TAF5L: variants seen among roughly 807,000 people sequenced by gnomAD.
TAF5L encodes TATA-box binding protein associated factor 5 like, also known as TAF5-like RNA polymerase II p300/CBP-associated factor-associated factor 65 kDa subunit 5L.
TAF5L carries 7 observed loss-of-function variants against 51.3 expected under a neutral mutation model. The observed-to-expected ratio is 0.14, with a 90% CI of 0.08 to 0.26. The LOEUF is 0.26. TAF5L is among the 10% of genes least tolerant of loss of function. The pLI, the probability that TAF5L is intolerant of heterozygous loss-of-function variation, is 1.00. For missense variants in TAF5L, 575 were observed against 758.9 expected (o/e 0.76, Z 2.85); for synonymous variants, 291 against 308.1 (o/e 0.94, Z 0.58).
chr1:229,611,867 C>T (rs1416112201), intron 2 of TAF5L, among the ~76,000 whole-genome samples: 2 of 152,024 alleles, frequency 1.3e-5, no homozygotes, highest in South Asian at 2.1e-4. Context: ...CAACTCAGCT[C>T]ACTCTTTCAA....
chr1:229,601,576 G>C, intron 4 of TAF5L: 6 of 985,940 alleles, frequency 6.1e-6, no homozygotes, highest in Non-Finnish European at 7.2e-6. Flanking sequence ...AACACTGACT[G>C]ACGGGGGGAG....
chr1:229,612,518 G>A (rs887131981), intron 2 of TAF5L, among the ~76,000 whole-genome samples: 1 of 152,180 alleles, frequency 6.6e-6, no homozygotes, highest in African/African-American at 2.4e-5. Context: ...TCTATACCAA[G>A]GCCATCATCT....
At chr1:229,622,635 A>C (rs1665255800) in intron 1 of TAF5L, among the ~76,000 whole-genome samples, 1 of 152,224 alleles carries the variant, frequency 6.6e-6, no homozygotes, top group Non-Finnish European at 1.5e-5. Context: ...TTTTGAAATA[A>C]GGTCTTGCTC....
chr1:229,600,757 G>C (rs1664344277), intron 4 of TAF5L: 1 of 985,268 alleles, frequency 1.0e-6, no homozygotes, highest in Admixed American at 6.1e-5. Context: ...CATAGGACAA[G>C]CCACAGAGCT....
intron 4 of TAF5L, chr1:229,599,886 G>A: frequency 1.0e-6 from 1 of 985,454 alleles, no homozygotes; most frequent in Non-Finnish European, 1.2e-6. Flanking sequence ...GCTTCAAAAA[G>A]ATGAAAGCAG....
chr1:229,608,854 A>G (rs1664692245), intron 3 of TAF5L, among the ~76,000 whole-genome samples: 1 of 152,096 alleles, frequency 6.6e-6, no homozygotes, highest in South Asian at 2.1e-4. Context: ...ATTTAAAAAA[A>G]TTAGCCAGGT....
intron 4 of TAF5L, chr1:229,599,836 T>C (rs1360636015): frequency 1.0e-5 from 10 of 985,314 alleles, no homozygotes. Context: ...TTTCAAATAC[T>C]GTAGAAATAC....
chr1:229,617,873 T>C (rs572750957), intron 1 of TAF5L, among the ~76,000 whole-genome samples: 50 of 152,356 alleles, frequency 3.3e-4, no homozygotes, highest in Non-Finnish European at 4.7e-4. Flanking sequence ...CTACCATTTA[T>C]GATAAGGGCG....
At chr1:229,595,538 A>T (rs1664088637) in intron 4 of TAF5L, among the ~76,000 whole-genome samples, 1 of 152,222 alleles carries the variant, frequency 6.6e-6, no homozygotes, top group Admixed American at 6.5e-5. Context: ...CTGCTTTATA[A>T]GCCATACTGC....
intron 1 of TAF5L, among the ~76,000 whole-genome samples, chr1:229,617,264 T>C (rs543053685): frequency 1.1e-4 from 16 of 152,312 alleles, no homozygotes; most frequent in African/African-American, 2.9e-4. Context: ...CAGATTCTGG[T>C]TGTGTTATAT....
chr1:229,613,346 AAAGAAG>A (rs1558151983), intron 2 of TAF5L, among the ~76,000 whole-genome samples: 3 of 151,336 alleles, frequency 2.0e-5, no homozygotes, highest in Admixed American at 6.6e-5. Flanking sequence ...AAAAAAAAAA[AAAGAAG>A]AAAGAAGAAG....
chr1:229,623,355 G>T (rs73101775), intron 1 of TAF5L, among the ~76,000 whole-genome samples: 3,962 of 152,312 alleles, frequency 0.026, 165 homozygotes, highest in African/African-American at 0.088. Flanking sequence ...TGTCTACTGT[G>T]TCATTTCCAG....
Position 229,625,300 on chromosome 1 carries a change from G to C in TAF5L, c.-4+585C>G, listed in dbSNP as rs1327860812. ...ACCATGGGCGCACCAACCTTACCTT[G>C]CTGTCATGAGGCAACGAGCCCCGAG... On this transcript the variant is annotated intron_variant, in intron 1 of 4. Coordinates refer to ENST00000258281, the Ensembl canonical transcript of TAF5L. The surrounding 1 kb of genome is among the most constrained non-coding windows in gnomAD (Gnocchi z 4.0). 6.6e-6 allele frequency among the ~76,000 whole-genome samples: 1 copy of C among 152,140 alleles called. No homozygotes were observed. Among genetic ancestry groups the C allele is most frequent in the Non-Finnish European group, 1.5e-5 (1 of 68,022 alleles).
chr1:229,618,060 G>A (rs962807069), intron 1 of TAF5L, among the ~76,000 whole-genome samples: 8 of 152,098 alleles, frequency 5.3e-5, no homozygotes, highest in Non-Finnish European at 1.0e-4. Flanking sequence ...GATAATTAAT[G>A]AACCTGAGAT....
At chr1:229,622,054 TATCTATCTATC>T (rs1665223991) in intron 1 of TAF5L, among the ~76,000 whole-genome samples, 1 of 145,008 alleles carries the variant, frequency 6.9e-6, no homozygotes, top group African/African-American at 2.7e-5. Context: ...TCTATCTATC[TATCTATCTATC>T]TATACAGATA....
At chr1:229,600,255 G>A in intron 4 of TAF5L, 1 of 985,254 alleles carries the variant, frequency 1.0e-6, no homozygotes, top group Non-Finnish European at 1.2e-6. Context: ...AAATGGGCGG[G>A]CATGCAGGAA....
At chr1:229,612,745 A>G (rs777363125) in intron 2 of TAF5L, among the ~76,000 whole-genome samples, 12 of 152,180 alleles carry the variant, frequency 7.9e-5, no homozygotes, top group Non-Finnish European at 1.5e-4. Flanking sequence ...CTTTGAAGGT[A>G]TATGAAAAGA....
intron 1 of TAF5L, among the ~76,000 whole-genome samples, chr1:229,620,248 A>G (rs1404497117): frequency 6.6e-6 from 1 of 152,064 alleles, no homozygotes; most frequent in Admixed American, 6.5e-5. Context: ...CTCTTTAGAG[A>G]AGTGGTCTGG....
intron 1 of TAF5L, among the ~76,000 whole-genome samples, chr1:229,621,550 A>C (rs943530233): frequency 3.3e-5 from 5 of 152,246 alleles, no homozygotes; most frequent in African/African-American, 1.2e-4. Flanking sequence ...GGAAGGAAAA[A>C]GACAATTTGC....
Sources: gnomAD v4.1 joint callset for allele counts (sites outside exome capture counted in the v4.1 genomes callset) on GRCh38, gnomAD v4.1.1 for gene constraint, Gnocchi (gnomAD v3.1) non-coding constraint, MANE v1.5 for transcripts, NCBI Gene and HGNC (gene_info 2026-07-23, HGNC 2026-07-21) for gene names.